The following ABCG1 variants were observed in gnomAD, a reference collection of about 807,000 sequenced individuals.
ABCG1 encodes ATP binding cassette subfamily G member 1.
In ABCG1, 29 loss-of-function variants were observed where a neutral mutation model predicts 69.2. The ratio of observed to expected loss-of-function variants is 0.42; its 90% CI spans 0.31 to 0.57. ABCG1 has a LOEUF of 0.57. Among genes scored for constraint, ABCG1 ranks in the 20% least tolerant of loss-of-function variants. ABCG1 has a pLI of 0.15. For missense variants in ABCG1, 718 were observed against 898.1 expected (o/e 0.80, Z 2.56); for synonymous variants, 370 against 374.8 (o/e 0.99, Z 0.15).
At chr21:42,295,733 T>G (rs2069195849) in intron 14 of ABCG1, among the ~76,000 whole-genome samples, 1 of 152,236 alleles carries the variant, frequency 6.6e-6, no homozygotes, top group Non-Finnish European at 1.5e-5. Flanking sequence ...AAATGAGTGC[T>G]TTTGTTCTGA....
In ABCG1 at chr21:42,259,988, G is replaced by A. The variant is rs571252418; in HGVS notation, c.287-11082G>A. 295 of 1,528,272 alleles carry A rather than the reference G, an allele frequency of 1.9e-4. 2 individuals carry two copies. The highest frequency in any genetic ancestry group is 1.3e-3 in the South Asian group (107 of 79,982). 94.7% of individuals were successfully genotyped at this position (1,528,272 alleles called of 1,614,324 possible). A position where few individuals can be genotyped will look rare whatever the true frequency, so the allele number is the denominator to read the frequency against. On this transcript the variant is annotated intron_variant, in intron 2 of 14. Coordinates refer to ENST00000398449, the MANE Select transcript of ABCG1 (RefSeq NM_016818.3). ...TTCCCCTTCCCTCCTGGTTTCTTCA[G>A]GCCAGTGCGGCATCCTGCACGTGGT...
chr21:42,277,963 T>G (rs6586299), intron 5 of ABCG1, among the ~76,000 whole-genome samples: 17,484 of 152,154 alleles, frequency 0.11, 1,261 homozygotes, highest in African/African-American at 0.2. Context: ...TCCTCCCCCA[T>G]CAACTGTGCC....
Position 42,219,401 on chromosome 21 carries a change from C to A in ABCG1, c.42+97C>A, listed in dbSNP as rs1474964605. 2.7e-6 allele frequency: 4 copies of A among 1,494,150 alleles called. No homozygotes were observed. The Admixed American group carries it at 6.4e-5, about 24-fold the overall frequency. The allele number at this position is 1,494,150 out of a possible 1,614,324, so 92.6% of individuals were successfully genotyped here. A position where few individuals can be genotyped will look rare whatever the true frequency, so the allele number is the denominator to read the frequency against. ...CGCAAGCTCGACCTGACACCCCTCC[C>A]AGGAGCGCGTCCTCTGGGCGCTGAC... On this transcript the variant is annotated intron_variant, in intron 1 of 14. Transcript: ENST00000398449. The surrounding 1 kb of genome is among the most constrained non-coding windows in gnomAD (Gnocchi z 5.3).
chr21:42,251,788 T>TA (rs1427593913), intron 2 of ABCG1, among the ~76,000 whole-genome samples: 1 of 152,214 alleles, frequency 6.6e-6, no homozygotes, highest in African/African-American at 2.4e-5. Flanking sequence ...CTGGAGCCCC[T>TA]ACTCTTCCCA....
intron 2 of ABCG1, among the ~76,000 whole-genome samples, chr21:42,252,145 A>G (rs528683060): frequency 1.3e-5 from 2 of 152,330 alleles, no homozygotes; most frequent in African/African-American, 4.8e-5. Flanking sequence ...CATTGCCCGG[A>G]CAAGAAGGAG....
rs776802604 is a variant in ABCG1 at position 42,225,688 on chromosome 21, T to C, written c.60T>C (p.Ser20=). The change falls in exon 2 of 15, where the codon TCT becomes TCC. Residue 20 remains serine, a synonymous_variant. Transcript: ENST00000398449. ...TTTTCTAGAATGCCAGCAGTTACTC[T>C]GCAGAGATGACGGAGCCCAAGTCGG... is the stretch of plus-strand genomic sequence containing the variant. ...VGTAMNASSY[S]AEMTEPKSVC... is the part of the protein sequence containing the mutation. 1 of 1,613,436 alleles carries C rather than the reference T, an allele frequency of 6.2e-7. No homozygotes were observed. The highest frequency in any genetic ancestry group is 2.2e-5 in the East Asian group (1 of 44,848).
rs147429402 is a variant in ABCG1, at chr21:42,276,761, C to T, written c.538-134C>T. ...TTGTGGCTAGCTGCACTGTGGGTAG[C>T]TGCACCGTGGCTAGTGGCACTGTGG... On this transcript the variant is annotated intron_variant, in intron 4 of 14. Transcript: ENST00000398449. This position sits in a 1 kb window ranked among gnomAD's most constrained non-coding sequence, Gnocchi z 5.3. 5,551 of 850,052 alleles carry T rather than the reference C, an allele frequency of 6.5e-3. 32 individuals carry two copies. The highest frequency in any genetic ancestry group is 6.8e-3 in the Non-Finnish European group (3,501 of 513,504). The allele number at this position is 850,052 out of a possible 1,614,324, so 52.7% of individuals were successfully genotyped here.
chr21:42,220,081 C>T, intron 1 of ABCG1: 1 of 1,530,562 alleles, frequency 6.5e-7, no homozygotes, highest in Non-Finnish European at 8.9e-7. Flanking sequence ...CAGGAATCTC[C>T]CTTTCTGGTT....
chr21:42,266,378 GA>G (rs1463125654), intron 2 of ABCG1, among the ~76,000 whole-genome samples: 1 of 152,124 alleles, frequency 6.6e-6, no homozygotes, highest in Non-Finnish European at 1.5e-5. Flanking sequence ...GTCTGATTAG[GA>G]GGGTTTGGGA....
chr21:42,257,648 C>T (rs1020187814), intron 2 of ABCG1, among the ~76,000 whole-genome samples: 6 of 152,202 alleles, frequency 3.9e-5, no homozygotes, highest in Non-Finnish European at 7.3e-5. Flanking sequence ...TGCTTACTGC[C>T]TTCCACAGTG....
chr21:42,219,126 G>A (rs963463341), upstream of ABCG1: 2 of 820,236 alleles, frequency 2.4e-6, no homozygotes, highest in Non-Finnish European at 3.1e-6. This position sits in a 1 kb window ranked among gnomAD's most constrained non-coding sequence, Gnocchi z 5.3. Context: ...CAGAGCCGGA[G>A]CCGGATCCCA....
chr21:42,224,096 G>A (rs1353096251), intron 1 of ABCG1, among the ~76,000 whole-genome samples: 4 of 152,324 alleles, frequency 2.6e-5, no homozygotes, highest in South Asian at 2.1e-4. Context: ...AGAACCCAGC[G>A]CGTTCTGTGT....
intron 2 of ABCG1, among the ~76,000 whole-genome samples, chr21:42,269,881 C>T (rs1356303927): frequency 6.6e-6 from 1 of 152,226 alleles, no homozygotes; most frequent in African/African-American, 2.4e-5. Context: ...GTCCCTGTCT[C>T]ATTAGGTCCC....
chr21:42,225,919 G>A lies in ABCG1; in HGVS notation c.286+5G>A, dbSNP rs1303822453. 10 of 1,610,132 alleles carry A rather than the reference G, an allele frequency of 6.2e-6. No individual in the cohort carries two copies. The highest frequency in any genetic ancestry group is 2.1e-4 in the Middle Eastern group (1 of 4,820). ...GACCCTGGTGGAGGAAGAAAGGTAG[G>A]GAGGGCGGCTGCTTTGTGTATCAAG... On this transcript the variant is annotated splice_donor_5th_base_variant and intron_variant, in intron 2 of 14. Transcript: ENST00000398449.
intron 2 of ABCG1, among the ~76,000 whole-genome samples, chr21:42,209,941 G>C (rs957099157): frequency 4.6e-5 from 7 of 152,180 alleles, no homozygotes; most frequent in African/African-American, 1.4e-4. Flanking sequence ...AGTTAAAAAT[G>C]GTTGCCCAGC....
intron 2 of ABCG1, among the ~76,000 whole-genome samples, chr21:42,208,223 C>CTTTTTTT (rs35946579): frequency 1.5e-5 from 2 of 133,700 alleles, no homozygotes; most frequent in African/African-American, 5.5e-5. Flanking sequence ...TTTGTTGGGA[C>CTTTTTTT]TTTTTTTTTT....
At chr21:42,289,850 ATGTG>A (rs767069252) in intron 10 of ABCG1, among the ~76,000 whole-genome samples, 196 bp from the exon 11 acceptor site, 2 of 151,976 alleles carry the variant, frequency 1.3e-5, no homozygotes, top group Admixed American at 6.6e-5. Flanking sequence ...GCAGGCGTGT[ATGTG>A]TGTGTGTGAG....
Position 42,225,787 on chromosome 21 carries a change from G to A in ABCG1, c.159G>A (p.Leu53=). The change falls in exon 2 of 15, where the codon CTG becomes CTA. Residue 53 remains leucine, a synonymous_variant. Coordinates refer to ENST00000398449, the MANE Select transcript of ABCG1 (RefSeq NM_016818.3). ...ATETDLLNGH[L]KKVDNNLTEA... The stretch of plus-strand genomic sequence containing the variant: ...AGACGGACCTGCTGAATGGACATCT[G>A]AAAAAAGTAGATAATAACCTCACGG... 1 of 1,614,014 alleles carries A rather than the reference G, an allele frequency of 6.2e-7. No homozygotes were observed. The highest frequency in any genetic ancestry group is 8.5e-7 in the Non-Finnish European group (1 of 1,180,018).
At chr21:42,234,721 T>C (rs1401173175) in intron 2 of ABCG1, among the ~76,000 whole-genome samples, 1 of 152,168 alleles carries the variant, frequency 6.6e-6, no homozygotes, top group Non-Finnish European at 1.5e-5. Context: ...AGGTGCTGAC[T>C]CTGCAGGCCT....
Sources: gnomAD v4.1 joint callset for allele counts (sites outside exome capture counted in the v4.1 genomes callset) on GRCh38, gnomAD v4.1.1 for gene constraint, Gnocchi (gnomAD v3.1) non-coding constraint, MANE v1.5 for transcripts, NCBI Gene and HGNC (gene_info 2026-07-23, HGNC 2026-07-21) for gene names.